The following LRBA variants were observed in gnomAD, a reference collection of about 807,000 sequenced individuals.
LRBA encodes lipopolysaccharide-responsive and beige-like anchor protein.
In LRBA, 176 loss-of-function variants were observed where a neutral mutation model predicts 330.0. That is an observed-to-expected ratio of 0.53 (90% CI 0.47 to 0.60). LRBA has a LOEUF of 0.60. LRBA is among the 20% of genes least tolerant of loss of function. The pLI, the probability that LRBA is intolerant of heterozygous loss-of-function variation, is 0.00. For missense variants in LRBA, 3,259 were observed against 3,444.8 expected, an observed-to-expected ratio of 0.95 and a Z score of 1.35; for synonymous variants, 1,230 against 1,193.0, an observed-to-expected ratio of 1.03 and a Z score of -0.64.
At chr4:150,363,948 T>C (rs1739076483) in intron 47 of LRBA, among the ~76,000 whole-genome samples, 1 of 152,218 alleles carries the variant, frequency 6.6e-6, no homozygotes, top group Non-Finnish European at 1.5e-5. Context: ...TATAGAAAAT[T>C]TGAAAAATTT....
At position 150,987,313 on chromosome 4, in the gene LRBA, G is replaced by A. The variant is rs560780870; in HGVS notation, c.216+27114C>T. ...TCTCAAAGCCAATACAGTAAGTACT[G>A]AAGAAATTGTGCTAATGCCTTAAAG... On this transcript the variant is annotated intron_variant, in intron 2 of 56. Transcript: ENST00000651943. Among the ~76,000 whole-genome samples the A allele has an allele frequency of 3.4e-3, 517 of 152,310 alleles. 4 individuals are homozygous for A. Among genetic ancestry groups the A allele is most frequent in the Non-Finnish European group, 5.4e-3 (366 of 68,024 alleles).
intron 40 of LRBA, among the ~76,000 whole-genome samples, chr4:150,532,899 C>A (rs1047233636): frequency 6.6e-6 from 1 of 151,988 alleles, no homozygotes; most frequent in Non-Finnish European, 1.5e-5. Context: ...CTTAAAAATA[C>A]TGAGAGGAAA....
chr4:150,830,140 T>TC (rs1746949751), intron 29 of LRBA, among the ~76,000 whole-genome samples: 1 of 152,166 alleles, frequency 6.6e-6, no homozygotes, highest in Non-Finnish European at 1.5e-5. Flanking sequence ...GTTTTAATAA[T>TC]CCTACTGCCC....
intron 40 of LRBA, among the ~76,000 whole-genome samples, chr4:150,516,215 C>CTT (rs1384014823): frequency 5.8e-4 from 50 of 86,674 alleles, no homozygotes; most frequent in East Asian, 1.8e-3. Context: ...ATTTTCTATT[C>CTT]TCTTTTTTTT....
At chr4:150,860,905 G>A (rs536684364) in intron 22 of LRBA, among the ~76,000 whole-genome samples, 135 of 152,044 alleles carry the variant, frequency 8.9e-4, no homozygotes, top group Non-Finnish European at 1.3e-3. Flanking sequence ...GCATCATTAA[G>A]CAATTTCATC....
chr4:150,864,071 G>A (rs1752359959), intron 22 of LRBA, among the ~76,000 whole-genome samples: 1 of 152,002 alleles, frequency 6.6e-6, no homozygotes, highest in Non-Finnish European at 1.5e-5. Context: ...ACAAGTAGCT[G>A]GGACTACAGG....
chr4:150,641,910 G>A (rs1457383209), intron 37 of LRBA, among the ~76,000 whole-genome samples: 1 of 151,934 alleles, frequency 6.6e-6, no homozygotes, highest in Non-Finnish European at 1.5e-5. Flanking sequence ...ATGAATAAAG[G>A]TTAATACCAA....
At chr4:150,737,955 C>T (rs979639419) in intron 35 of LRBA, among the ~76,000 whole-genome samples, 7 of 151,408 alleles carry the variant, frequency 4.6e-5, no homozygotes, top group Non-Finnish European at 8.8e-5. Context: ...ATTCTAACCC[C>T]CTCCTCAAGT....
At chr4:150,875,283 T>C (rs1374720455) in intron 17 of LRBA, among the ~76,000 whole-genome samples, 1 of 152,154 alleles carries the variant, frequency 6.6e-6, no homozygotes, top group Admixed American at 6.5e-5. Flanking sequence ...CCTCTCCATT[T>C]CACAGCCAGT....
chr4:150,988,033 A>G (rs1490395728), intron 2 of LRBA, among the ~76,000 whole-genome samples: 1 of 151,254 alleles, frequency 6.6e-6, no homozygotes, highest in Non-Finnish European at 1.5e-5. Flanking sequence ...CATTCGCCTT[A>G]TTGAAAACTC....
chr4:150,849,759 G>C (rs1348301221), intron 24 of LRBA, among the ~76,000 whole-genome samples, 184 bp from the exon 25 acceptor site: 1 of 152,180 alleles, frequency 6.6e-6, no homozygotes, highest in Non-Finnish European at 1.5e-5. Flanking sequence ...CATATCAGTA[G>C]TTACTATCCA....
intron 44 of LRBA, among the ~76,000 whole-genome samples, chr4:150,456,627 T>G (rs1031570008): frequency 6.6e-6 from 1 of 152,122 alleles, no homozygotes; most frequent in Non-Finnish European, 1.5e-5. Flanking sequence ...CTGTGGCTTG[T>G]CTCTTCAGTT....
rs563361228 is a variant in LRBA, at chr4:150,658,884, C to T, written c.5921+24667G>A. On this transcript the variant is annotated intron_variant, in intron 37 of 56. Transcript: ENST00000651943. ...TGCCTCAGTCTGCCGAGCGCCGCCA[C>T]GCCTGACTGGTTTTGGTGGAGACAG... Among the ~76,000 whole-genome samples the T allele has an allele frequency of 1.1e-3, 34 of 31,890 alleles. 12 individuals are homozygous for T. The South Asian group carries it at 0.03, about 28-fold the overall frequency. 20.9% of individuals were successfully genotyped at this position (31,890 alleles called of 152,430 possible). A position where few individuals can be genotyped will look rare whatever the true frequency, so the allele number is the denominator to read the frequency against.
intron 40 of LRBA, among the ~76,000 whole-genome samples, chr4:150,539,225 C>T (rs886851873): frequency 6.6e-6 from 1 of 152,150 alleles, no homozygotes; most frequent in African/African-American, 2.4e-5. Context: ...CCGCCCGCTG[C>T]GGCCTCCCAA....
chr4:150,497,040 G>A lies in LRBA; in HGVS notation c.6331-6005C>T, dbSNP rs1270217520. Among the ~76,000 whole-genome samples the A allele has an allele frequency of 5.3e-5, 8 of 152,072 alleles. No homozygotes were observed. In the East Asian group the frequency reaches 1.5e-3, roughly 29 times the overall value. ...GAACCACCTTTAAAATAAAGACATTGAAAAATACTTTCATATCAATTCACC... is the reference window on the plus strand; with the variant it reads ...GAACCACCTTTAAAATAAAGACATTAAAAAATACTTTCATATCAATTCACC... On this transcript the variant is annotated intron_variant, in intron 40 of 56. Transcript: ENST00000651943.
intron 47 of LRBA, among the ~76,000 whole-genome samples, chr4:150,350,653 G>A (rs1319106315): frequency 2.6e-5 from 4 of 151,552 alleles, no homozygotes; most frequent in African/African-American, 9.7e-5. Flanking sequence ...GAGGCTTTCC[G>A]GCACTTGGCA....
At chr4:150,626,822 A>G (rs1776908570) in intron 37 of LRBA, among the ~76,000 whole-genome samples, 1 of 152,154 alleles carries the variant, frequency 6.6e-6, no homozygotes, top group Admixed American at 6.5e-5. Flanking sequence ...CGTATCAAAA[A>G]CTTTAATTAA....
intron 36 of LRBA, among the ~76,000 whole-genome samples, chr4:150,685,420 ATTTTTTTTTTTT>A (rs70941424): frequency 1.3e-3 from 22 of 17,430 alleles, no homozygotes; most frequent in Admixed American, 1.3e-3. Flanking sequence ...ATATATATAT[ATTTTTTTTTTTT>A]TTTTTTTTTT....
chr4:150,357,394 T>C (rs375210854), intron 47 of LRBA, among the ~76,000 whole-genome samples: 241 of 152,144 alleles, frequency 1.6e-3, no homozygotes, highest in African/African-American at 5.6e-3. Context: ...CTGAAGTCTG[T>C]ATTGCTGTGT....
Sources: gnomAD v4.1 joint callset for allele counts (sites outside exome capture counted in the v4.1 genomes callset) on GRCh38, gnomAD v4.1.1 for gene constraint, MANE v1.5 for transcripts, NCBI Gene and HGNC (gene_info 2026-07-23, HGNC 2026-07-21) for gene names.